The following ADAMTS9 variants were observed in gnomAD, a reference collection of about 807,000 sequenced individuals.
ADAMTS9 encodes A disintegrin and metalloproteinase with thrombospondin motifs 9.
ADAMTS9 carries 107 observed loss-of-function variants against 257.1 expected under a neutral mutation model. The observed-to-expected ratio is 0.42, with a 90% CI of 0.36 to 0.49. The LOEUF (loss-of-function observed/expected upper bound fraction) is 0.49. Among genes scored for constraint, ADAMTS9 ranks in the 20% least tolerant of loss-of-function variants. ADAMTS9 has a pLI of 0.03. For synonymous variants in ADAMTS9, 982 were observed against 880.9 expected (o/e 1.11, Z -2.03); for missense variants, 2,353 against 2,469.1 (o/e 0.95, Z 1.00).
intron 2 of ADAMTS9, among the ~76,000 whole-genome samples, chr3:64,681,993 T>C (rs752099428): frequency 2.6e-5 from 4 of 152,206 alleles, no homozygotes; most frequent in African/African-American, 7.2e-5. Flanking sequence ...AGTCTTCCCA[T>C]TGATTCAAAT....
intron 37 of ADAMTS9, among the ~76,000 whole-genome samples, chr3:64,533,861 G>A (rs1272120692): frequency 6.6e-6 from 1 of 152,152 alleles, no homozygotes; most frequent in African/African-American, 2.4e-5. Flanking sequence ...TTCAGGCTCC[G>A]GTAAGGGAGA....
chr3:64,645,691 C>A (rs148837465), intron 11 of ADAMTS9, among the ~76,000 whole-genome samples: 5 of 152,260 alleles, frequency 3.3e-5, no homozygotes, highest in African/African-American at 1.2e-4. Flanking sequence ...CTAGACATGG[C>A]CACTTTTCTA....
At chr3:64,544,664 G>A (rs186672188) in intron 32 of ADAMTS9, among the ~76,000 whole-genome samples, 132 of 152,282 alleles carry the variant, frequency 8.7e-4, no homozygotes, top group African/African-American at 3.1e-3. Context: ...AAAAACCCTA[G>A]AAGAAAACCT....
intron 39 of ADAMTS9, among the ~76,000 whole-genome samples, chr3:64,517,569 A>G (rs2082796075): frequency 6.6e-6 from 1 of 151,460 alleles, no homozygotes; most frequent in Non-Finnish European, 1.5e-5. Context: ...TAGATTTTAA[A>G]AGTAATGTTT....
At chr3:64,539,508 C>T (rs74412571) in intron 36 of ADAMTS9, among the ~76,000 whole-genome samples, 1,602 of 152,236 alleles carry the variant, frequency 0.011, 53 homozygotes, top group East Asian at 0.078. Flanking sequence ...CTTCATTCCC[C>T]GAGCTTCATC....
chr3:64,631,496 T>C lies in ADAMTS9; in HGVS notation c.2348A>G (p.Gln783Arg). 6.2e-7 allele frequency: 1 copy of C among 1,614,132 alleles called. No homozygotes were observed. Among genetic ancestry groups the C allele is most frequent in the Non-Finnish European group, 8.5e-7 (1 of 1,179,952 alleles). The change falls in exon 16 of 40, where the codon CAG becomes CGG. Residue 783 changes from glutamine to arginine, a missense_variant. Around this residue, in one of 3 missense-constraint regions of ADAMTS9, gnomAD observed 360 missense variants for 458.1 expected, o/e 0.79. Transcript: ENST00000498707. ...GTCTGTTTCCCCTGAGAAACTGTGC[T>C]GCCGCACATCAATATTGGTAGCACC... is the stretch of plus-strand genomic sequence containing the variant. The part of the protein sequence containing the change: ...PAGATNIDVR[Q>R]HSFSGETDDD...
intron 38 of ADAMTS9, among the ~76,000 whole-genome samples, chr3:64,528,237 C>G (rs1261850535): frequency 6.6e-6 from 1 of 152,132 alleles, no homozygotes; most frequent in Admixed American, 6.5e-5. Context: ...AATCTTCTAC[C>G]TGGAAGAGAC....
chr3:64,526,411 A>C (rs982117233), intron 38 of ADAMTS9, among the ~76,000 whole-genome samples: 1 of 152,200 alleles, frequency 6.6e-6, no homozygotes, highest in Non-Finnish European at 1.5e-5. Context: ...ATTCGTAGGC[A>C]TTTGATGATG....
At chr3:64,645,623 A>G (rs945704937) in intron 11 of ADAMTS9, among the ~76,000 whole-genome samples, 3 of 152,250 alleles carry the variant, frequency 2.0e-5, no homozygotes, top group Admixed American at 2.0e-4. Flanking sequence ...TGGCATTTCT[A>G]GAATGTGTAA....
At chr3:64,667,729 C>G (rs1160977485) in intron 3 of ADAMTS9, among the ~76,000 whole-genome samples, 1 of 152,132 alleles carries the variant, frequency 6.6e-6, no homozygotes, top group African/African-American at 2.4e-5. Flanking sequence ...TGACTATAGG[C>G]TATAATCATA....
intron 3 of ADAMTS9, among the ~76,000 whole-genome samples, chr3:64,670,650 A>G (rs574506432): frequency 6.6e-6 from 1 of 152,348 alleles, no homozygotes; most frequent in Admixed American, 6.5e-5. Flanking sequence ...AGAATAAAGA[A>G]CTTTCAGACT....
chr3:64,607,361 T>C, intron 22 of ADAMTS9, among the ~76,000 whole-genome samples: 1 of 152,196 alleles, frequency 6.6e-6, no homozygotes, highest in South Asian at 2.1e-4. Flanking sequence ...TGCATCTCCA[T>C]CATTTTTACA....
intron 38 of ADAMTS9, among the ~76,000 whole-genome samples, chr3:64,527,758 TA>T (rs1292709248): frequency 6.6e-6 from 1 of 152,174 alleles, no homozygotes; most frequent in Non-Finnish European, 1.5e-5. Flanking sequence ...TTAGACTACC[TA>T]AAATGTAAAT....
intron 39 of ADAMTS9, among the ~76,000 whole-genome samples, 193 bp downstream of exon 39, chr3:64,521,973 T>C (rs1025178832): frequency 1.3e-5 from 2 of 152,202 alleles, no homozygotes; most frequent in African/African-American, 4.8e-5. Context: ...GGGGAAGCCA[T>C]GTCTAATGGC....
intron 36 of ADAMTS9, among the ~76,000 whole-genome samples, chr3:64,539,695 G>A (rs937632461): frequency 6.6e-6 from 1 of 152,164 alleles, no homozygotes; most frequent in Admixed American, 6.5e-5. Flanking sequence ...GGGGAAATAA[G>A]CCAGGAAGAG....
intron 32 of ADAMTS9, among the ~76,000 whole-genome samples, chr3:64,545,221 C>A (rs142011473): frequency 1.3e-5 from 2 of 152,106 alleles, no homozygotes; most frequent in Non-Finnish European, 2.9e-5. Context: ...GGATCTAGAA[C>A]GAGAAATACC....
At chr3:64,623,027 TTTG>T in intron 16 of ADAMTS9, among the ~76,000 whole-genome samples, 1 of 152,336 alleles carries the variant, frequency 6.6e-6, no homozygotes, top group Admixed American at 6.5e-5. Flanking sequence ...CTGTTGAATC[TTTG>T]TTAAGTCTTT....
chr3:64,643,445 A>ATTTTTTGTTTTTTTT (rs1700707475), intron 11 of ADAMTS9, among the ~76,000 whole-genome samples: 1 of 61,406 alleles, frequency 1.6e-5, no homozygotes, highest in African/African-American at 7.0e-5. Flanking sequence ...TTACTCAATA[A>ATTTTTTGTTTTTTTT]TTTTTTTTTT....
At chr3:64,582,224 G>A (rs894758665) in intron 28 of ADAMTS9, among the ~76,000 whole-genome samples, 11 of 152,170 alleles carry the variant, frequency 7.2e-5, no homozygotes, top group Admixed American at 5.2e-4. Flanking sequence ...AGGTAGAACT[G>A]CAGAAACTTG....
Sources: allele counts gnomAD v4.1 joint callset (sites outside exome capture counted in the v4.1 genomes callset), GRCh38; gene constraint gnomAD v4.1.1; regional missense constraint gnomAD v4.1.1; transcripts MANE v1.5; gene names NCBI Gene and HGNC (gene_info 2026-07-23, HGNC 2026-07-21).